ZDHHC3: variants seen among roughly 807,000 people sequenced by gnomAD.
ZDHHC3 encodes the protein zDHHC palmitoyltransferase 3.
Under a neutral mutation model 30.6 loss-of-function variants are expected in ZDHHC3, and 9 were observed. The ratio of observed to expected loss-of-function variants is 0.29; its 90% CI spans 0.18 to 0.51. ZDHHC3 has a LOEUF of 0.51. Among genes scored for constraint, ZDHHC3 ranks in the 20% least tolerant of loss-of-function variants. The pLI is 0.97. For missense variants in ZDHHC3, 246 were observed against 384.2 expected (o/e 0.64, Z 3.01); for synonymous variants, 136 against 140.2 (o/e 0.97, Z 0.21).
chr3:44,973,282 T>C (rs923135741), intron 1 of ZDHHC3, among the ~76,000 whole-genome samples: 1 of 152,098 alleles, frequency 6.6e-6, no homozygotes, highest in Non-Finnish European at 1.5e-5. Context: ...GTTAGGAGTA[T>C]GGGCAGGAGA....
rs1700762618 is a variant in ZDHHC3 at position 44,923,561 on chromosome 3, G to A, written c.*3128C>T. The stretch of plus-strand genomic sequence containing the variant: ...TCACGCCTGTAATCCCAGGACTTTG[G>A]GAGGCTAAGGCAGGAAAATTGCTGG... On this transcript the variant is annotated 3_prime_UTR_variant, in exon 7 of 7. Coordinates refer to ENST00000424952, the MANE Select transcript of ZDHHC3 (RefSeq NM_001135179.2). The A allele has an allele frequency of 1.0e-6, 1 of 984,678 alleles. No homozygotes were observed. Among genetic ancestry groups the A allele is most frequent in the Admixed American group, 6.2e-5 (1 of 16,258 alleles). 61.0% of individuals were successfully genotyped at this position (984,678 alleles called of 1,614,324 possible).
chr3:44,922,932 T>C lies in ZDHHC3; in HGVS notation c.*3757A>G. On this transcript the variant is annotated 3_prime_UTR_variant, in exon 7 of 7. Transcript: ENST00000424952. ...CTAGGTGGGGCGCCTTCCCCTCTAC[T>C]GGCTGGCTCACCCTTTAAGCTGATG... 1 of 985,268 alleles carries C rather than the reference T, an allele frequency of 1.0e-6. No individual in the cohort carries two copies. The highest frequency in any genetic ancestry group is 1.2e-6 in the Non-Finnish European group (1 of 829,910). The allele number at this position is 985,268 out of a possible 1,614,324, so 61.0% of individuals were successfully genotyped here. A position where few individuals can be genotyped will look rare whatever the true frequency, so the allele number is the denominator to read the frequency against.
Position 44,924,970 on chromosome 3 carries a change from A to C in ZDHHC3, c.*1719T>G. 1.0e-6 allele frequency: 1 copy of C among 985,626 alleles called. No homozygotes were observed. Among genetic ancestry groups the C allele is most frequent in the Non-Finnish European group, 1.2e-6 (1 of 829,950 alleles). 61.1% of individuals were successfully genotyped at this position (985,626 alleles called of 1,614,324 possible). A position where few individuals can be genotyped will look rare whatever the true frequency, so the allele number is the denominator to read the frequency against. On this transcript the variant is annotated 3_prime_UTR_variant, in exon 7 of 7. Transcript: ENST00000424952. Reference sequence around the variant, plus strand: ...ACAAAGGAATTGATTCAGGCTGCAGAAAGCAAAGGAAAGAGGCCTGGTGGG... The same window carrying C: ...ACAAAGGAATTGATTCAGGCTGCAGCAAGCAAAGGAAAGAGGCCTGGTGGG...
In ZDHHC3 at chr3:44,973,191, G is replaced by A. The variant is rs143537044; in HGVS notation, c.-25+2742C>T. 1.2e-4 allele frequency among the ~76,000 whole-genome samples: 19 copies of A among 152,272 alleles called. No individual in the cohort carries two copies. The East Asian group carries it at 2.7e-3, about 22-fold the overall frequency. On this transcript the variant is annotated intron_variant, in intron 1 of 6. Coordinates refer to ENST00000424952, the MANE Select transcript of ZDHHC3 (RefSeq NM_001135179.2). The stretch of plus-strand genomic sequence containing the variant: ...TATAGTTCATAGGACAGTTACCAAC[G>A]CCATAACAAAATTGGGATTTCCTTC...
intron 1 of ZDHHC3, among the ~76,000 whole-genome samples, chr3:44,970,133 G>A (rs1399992088): frequency 6.6e-6 from 1 of 152,204 alleles, no homozygotes; most frequent in Non-Finnish European, 1.5e-5. Flanking sequence ...ACTGTACTAG[G>A]TACTAGGGCC....
chr3:44,923,728 A>G lies in ZDHHC3; in HGVS notation c.*2961T>C. 1 of 873,934 alleles carries G rather than the reference A, an allele frequency of 1.1e-6. No homozygotes were observed. The highest frequency in any genetic ancestry group is 5.3e-5 in the South Asian group (1 of 18,954). 54.1% of individuals were successfully genotyped at this position (873,934 alleles called of 1,614,324 possible). A position where few individuals can be genotyped will look rare whatever the true frequency, so the allele number is the denominator to read the frequency against. Reference sequence around the variant, plus strand: ...CAAGGCACAAGAATCACTTGAGCCCAGGAGTTCAAGGCTGCAGTGAGCTCT... The same window carrying G: ...CAAGGCACAAGAATCACTTGAGCCCGGGAGTTCAAGGCTGCAGTGAGCTCT... On this transcript the variant is annotated 3_prime_UTR_variant, in exon 7 of 7. Coordinates refer to ENST00000424952, the MANE Select transcript of ZDHHC3 (RefSeq NM_001135179.2).
At position 44,917,240 on chromosome 3, in the gene ZDHHC3, C is replaced by T. The variant is rs1226605624; in HGVS notation, c.*9449G>A. The stretch of plus-strand genomic sequence containing the variant: ...CTGTCCATGCTGGACATGTCCTGCA[C>T]ATGTGTGTGTAGAGCTTAATGCAGG... On this transcript the variant is annotated 3_prime_UTR_variant, in exon 7 of 7. Coordinates refer to ENST00000424952, the MANE Select transcript of ZDHHC3 (RefSeq NM_001135179.2). The T allele has an allele frequency of 6.4e-6, 1 of 156,142 alleles. No individual in the cohort carries two copies. Among genetic ancestry groups the T allele is most frequent in the African/African-American group, 2.4e-5 (1 of 41,464 alleles). 9.7% of individuals were successfully genotyped at this position (156,142 alleles called of 1,614,324 possible). A position where few individuals can be genotyped will look rare whatever the true frequency, so the allele number is the denominator to read the frequency against.
Position 44,926,828 on chromosome 3 carries a change from T to C in ZDHHC3, c.761A>G (p.Lys254Arg). Residue 254 changes from lysine (K) to arginine (R), a missense_variant, in exon 7 of 7, where the codon AAG becomes AGG. By Grantham distance (26) the Lys-to-Arg change is conservative. Transcript: ENST00000424952. ...TDETGIEQLKKEERRWAKKTK... is the reference protein window; with the variant it reads ...TDETGIEQLKREERRWAKKTK... ...TTTTTTAGCCCATCTTCTCTCTTCC[T>C]TTTTCAATTGTTCTATTCCCTGAAA... The C allele has an allele frequency of 6.2e-7, 1 of 1,609,972 alleles. No homozygotes were observed. Among genetic ancestry groups the C allele is most frequent in the Admixed American group, 1.7e-5 (1 of 59,178 alleles).
intron 2 of ZDHHC3, among the ~76,000 whole-genome samples, chr3:44,957,768 A>T (rs1704079150): frequency 6.6e-6 from 1 of 152,120 alleles, no homozygotes; most frequent in South Asian, 2.1e-4. Context: ...ACAGCAATCC[A>T]CATTTCTTTC....
At position 44,918,280 on chromosome 3, in the gene ZDHHC3, G is replaced by A; in HGVS notation, c.*8409C>T. 3 of 1,199,494 alleles carry A rather than the reference G, an allele frequency of 2.5e-6. No individual in the cohort carries two copies. The South Asian group carries it at 4.5e-5, about 18-fold the overall frequency. The allele number at this position is 1,199,494 out of a possible 1,614,324, so 74.3% of individuals were successfully genotyped here. On this transcript the variant is annotated 3_prime_UTR_variant, in exon 7 of 7. Transcript: ENST00000424952. ...ACGGCATGGGTAAGATGGGGTCTGAGTGGGCAGTCTGTTGTGGCCCAGGTC... is the reference window on the plus strand; with the variant it reads ...ACGGCATGGGTAAGATGGGGTCTGAATGGGCAGTCTGTTGTGGCCCAGGTC...
At chr3:44,933,819 G>C (rs1479330552) in intron 4 of ZDHHC3, 69 bp downstream of exon 4, 1 of 1,412,134 alleles carries the variant, frequency 7.1e-7, no homozygotes, top group Admixed American at 1.7e-5. Context: ...TGAATGCTGA[G>C]AATTTTCAAA....
intron 3 of ZDHHC3, among the ~76,000 whole-genome samples, chr3:44,935,296 G>C (rs769394226): frequency 3.3e-5 from 5 of 152,176 alleles, no homozygotes; most frequent in Admixed American, 6.5e-5. Flanking sequence ...GTGTGTGTTA[G>C]ATAGGATCTT....
intron 1 of ZDHHC3, among the ~76,000 whole-genome samples, chr3:44,971,716 C>A (rs962100384): frequency 6.6e-6 from 1 of 152,156 alleles, no homozygotes; most frequent in Non-Finnish European, 1.5e-5. Context: ...AAATGAAACA[C>A]ACATGAAGAC....
Position 44,926,570 on chromosome 3 carries a change from TAA to T in ZDHHC3, c.*117_*118del. The stretch of plus-strand genomic sequence containing the variant: ...ATGCTCAGCCATTTTACTTGAGACA[TAA>T]AAAAAGTTTTAAGAGTAGTTGTTTT... On this transcript the variant is annotated 3_prime_UTR_variant, in exon 7 of 7. Transcript: ENST00000424952. 2.4e-6 allele frequency: 3 copies of T among 1,270,762 alleles called. No homozygotes were observed. The highest frequency in any genetic ancestry group is 3.0e-6 in the Non-Finnish European group (3 of 1,002,088). The allele number at this position is 1,270,762 out of a possible 1,614,324, so 78.7% of individuals were successfully genotyped here.
intron 6 of ZDHHC3, among the ~76,000 whole-genome samples, chr3:44,927,517 G>A (rs577707251): frequency 6.6e-6 from 1 of 152,342 alleles, no homozygotes; most frequent in Non-Finnish European, 1.5e-5. Context: ...GGAAGGAGGA[G>A]GGATTAGTAC....
intron 3 of ZDHHC3, among the ~76,000 whole-genome samples, chr3:44,942,192 C>G (rs984488773): frequency 1.3e-5 from 2 of 152,256 alleles, no homozygotes; most frequent in Non-Finnish European, 2.9e-5. Context: ...TTTGCCTGAG[C>G]GGGCAAGGTC....
At chr3:44,947,008 T>C (rs1703000636) in intron 2 of ZDHHC3, among the ~76,000 whole-genome samples, 1 of 152,146 alleles carries the variant, frequency 6.6e-6, no homozygotes, top group Non-Finnish European at 1.5e-5. Flanking sequence ...GAGGTTATTG[T>C]TGATGGTCCA....
At chr3:44,957,271 C>T (rs544074913) in intron 2 of ZDHHC3, among the ~76,000 whole-genome samples, 37 of 152,312 alleles carry the variant, frequency 2.4e-4, no homozygotes, top group Non-Finnish European at 4.6e-4. Context: ...TACCTGACCC[C>T]GTCACTACAA....
chr3:44,962,712 T>C (rs1704590007), intron 1 of ZDHHC3, among the ~76,000 whole-genome samples: 1 of 152,218 alleles, frequency 6.6e-6, no homozygotes, highest in Non-Finnish European at 1.5e-5. Flanking sequence ...TCACATCAAC[T>C]GGCTTGCTCA....
Sources: gnomAD v4.1 joint callset for allele counts (sites outside exome capture counted in the v4.1 genomes callset) on GRCh38, gnomAD v4.1.1 for gene constraint, MANE v1.5 for transcripts, NCBI Gene and HGNC (gene_info 2026-07-23, HGNC 2026-07-21) for gene names.